MED9: variants seen among roughly 807,000 people sequenced by gnomAD.
MED9 encodes the protein mediator complex subunit 9.
In MED9, 8 loss-of-function variants were observed where a neutral mutation model predicts 13.2. The observed-to-expected ratio is 0.61, with a 90% CI of 0.36 to 1.10. The LOEUF (loss-of-function observed/expected upper bound fraction) is 1.10, where lower values mean the gene tolerates loss of function less well. MED9 is among the 50% of genes least tolerant of loss of function. The pLI is 0.02. For synonymous variants in MED9, 87 were observed against 82.8 expected, an observed-to-expected ratio of 1.05 and a Z score of -0.28; for missense variants, 180 against 193.4, an observed-to-expected ratio of 0.93 and a Z score of 0.41.
At chr17:17,484,656 G>A (rs1567637171) in intron 1 of MED9, among the ~76,000 whole-genome samples, 1 of 152,252 alleles carries the variant, frequency 6.6e-6, no homozygotes, top group South Asian at 2.1e-4. Flanking sequence ...AGCAGGATGA[G>A]CAGCCACAGA....
intron 1 of MED9, chr17:17,486,362 C>G (rs374630459): frequency 6.5e-6 from 1 of 152,892 alleles, no homozygotes; most frequent in Non-Finnish European, 1.5e-5. Flanking sequence ...GGGAGAGGCG[C>G]GAGCGGGAAC....
rs1017904876 is a variant in MED9, at chr17:17,492,206, G to A, written c.*711G>A. On this transcript the variant is annotated 3_prime_UTR_variant, in exon 2 of 2. Coordinates refer to ENST00000268711, the MANE Select transcript of MED9 (RefSeq NM_018019.3). ...GCCTTCAGCTCTTGCTCCCTTCCTC[G>A]TTCATCACCCTCAGTCAGTGCCCAA... 2.0e-5 allele frequency: 3 copies of A among 153,406 alleles called. No homozygotes were observed. The highest frequency in any genetic ancestry group is 4.3e-5 in the Non-Finnish European group (3 of 69,018). 9.5% of individuals were successfully genotyped at this position (153,406 alleles called of 1,614,324 possible). A position where few individuals can be genotyped will look rare whatever the true frequency, so the allele number is the denominator to read the frequency against.
Position 17,478,332 on chromosome 17 carries a change from G to A in MED9, c.224+1067G>A, listed in dbSNP as rs142341777. ...ACAAAGTAAATTAAAAGAAAATTAC[G>A]ATTCCAGTAACATTCAGGTGAACAT... On this transcript the variant is annotated intron_variant, in intron 1 of 1. Coordinates refer to ENST00000268711, the MANE Select transcript of MED9 (RefSeq NM_018019.3). 7.9e-5 allele frequency among the ~76,000 whole-genome samples: 12 copies of A among 152,266 alleles called. No individual in the cohort carries two copies. In the East Asian group the frequency reaches 2.3e-3, roughly 29 times the overall value.
At chr17:17,485,160 C>T (rs1323196735) in intron 1 of MED9, 1 of 344,518 alleles carries the variant, frequency 2.9e-6, no homozygotes, top group Non-Finnish European at 5.2e-6. Flanking sequence ...ACTACAGGCA[C>T]ACGCCACCAT....
rs1905258024 is a variant in MED9, at chr17:17,492,526, G to C, written c.*1031G>C. On this transcript the variant is annotated 3_prime_UTR_variant, in exon 2 of 2. Transcript: ENST00000268711. ...CTAGGTCTGAAAGTTACACAGCCAA[G>C]TTTGAGCTCTTAAAAGTTGATGAAC... is the stretch of plus-strand genomic sequence containing the variant. The C allele has an allele frequency of 6.6e-6, 1 of 152,292 alleles. No individual in the cohort carries two copies. The highest frequency in any genetic ancestry group is 1.5e-5 in the Non-Finnish European group (1 of 68,078). The allele number at this position is 152,292 out of a possible 1,614,324, so 9.4% of individuals were successfully genotyped here.
chr17:17,490,819 C>T (rs766818589), intron 1 of MED9, among the ~76,000 whole-genome samples: 4 of 152,186 alleles, frequency 2.6e-5, no homozygotes, highest in South Asian at 2.1e-4. Context: ...GACAAAATGT[C>T]GTATTTCAAC....
At chr17:17,480,992 C>A (rs539265095) in intron 1 of MED9, among the ~76,000 whole-genome samples, 136 of 152,314 alleles carry the variant, frequency 8.9e-4, no homozygotes, top group African/African-American at 2.3e-3. Context: ...ATAGGAAAAA[C>A]ATGTAAGGAC....
Position 17,477,238 on chromosome 17 carries a change from T to TA in MED9, c.198dup (p.Pro67ThrfsTer64). ...AGGGAGGAAGAGAACTACTCCTTTT[T>TA]ACCTTTGGTTCACAACATCATCAAA... On this transcript the variant is annotated frameshift_variant, in exon 1 of 2. Transcript: ENST00000268711. LOFTEE classifies it high-confidence loss of function. 6.2e-7 allele frequency: 1 copy of TA among 1,605,834 alleles called. No individual in the cohort carries two copies. The highest frequency in any genetic ancestry group is 8.5e-7 in the Non-Finnish European group (1 of 1,175,130).
chr17:17,484,550 C>T (rs1004446806), intron 1 of MED9, among the ~76,000 whole-genome samples: 1 of 152,268 alleles, frequency 6.6e-6, no homozygotes, highest in East Asian at 1.9e-4. Flanking sequence ...AAGCGGCCCC[C>T]GCTAAGTGCC....
At chr17:17,485,185 C>G (rs1390071362) in intron 1 of MED9, 3 of 360,804 alleles carry the variant, frequency 8.3e-6, no homozygotes, top group Admixed American at 9.4e-5. Context: ...TTGTAAAAAA[C>G]AAAACAAAAA....
intron 1 of MED9, among the ~76,000 whole-genome samples, chr17:17,490,613 T>C (rs994545197): frequency 6.6e-6 from 1 of 152,190 alleles, no homozygotes; most frequent in African/African-American, 2.4e-5. Flanking sequence ...GGACTGTCCA[T>C]GACCATGGTA....
In MED9 at chr17:17,492,917, C is replaced by CT. The variant is rs1471017595; in HGVS notation, c.*1423dup. On this transcript the variant is annotated 3_prime_UTR_variant, in exon 2 of 2. Coordinates refer to ENST00000268711, the MANE Select transcript of MED9 (RefSeq NM_018019.3). ...GTGGCTTTGGACAGAAAAGAAGGCT[C>CT]TGGATTTAAGCGGGTGGTCACCTGT... is the stretch of plus-strand genomic sequence containing the variant. The CT allele has an allele frequency of 6.6e-6, 1 of 152,260 alleles. No individual in the cohort carries two copies. Among genetic ancestry groups the CT allele is most frequent in the Non-Finnish European group, 1.5e-5 (1 of 68,052 alleles). The allele number at this position is 152,260 out of a possible 1,614,324, so 9.4% of individuals were successfully genotyped here.
intron 1 of MED9, chr17:17,486,590 C>T (rs144468380): frequency 0.014 from 2,206 of 156,050 alleles, 56 homozygotes; most frequent in African/African-American, 0.05. Context: ...TGCCTTCCCG[C>T]GCAGCAGGGC....
Position 17,491,765 on chromosome 17 carries a change from C to A in MED9, c.*270C>A. 1 of 450,336 alleles carries A rather than the reference C, an allele frequency of 2.2e-6. No homozygotes were observed. The highest frequency in any genetic ancestry group is 4.1e-6 in the Non-Finnish European group (1 of 243,546). The allele number at this position is 450,336 out of a possible 1,614,324, so 27.9% of individuals were successfully genotyped here. A position where few individuals can be genotyped will look rare whatever the true frequency, so the allele number is the denominator to read the frequency against. The stretch of plus-strand genomic sequence containing the variant: ...GTGGAAGTCAGAATGCTCCTGGAGG[C>A]TGCAGAGGGGGTGGAGGACTCTCCC... On this transcript the variant is annotated 3_prime_UTR_variant, in exon 2 of 2. Transcript: ENST00000268711.
chr17:17,488,311 C>G (rs1244413439), intron 1 of MED9: 3 of 152,242 alleles, frequency 2.0e-5, no homozygotes, highest in Non-Finnish European at 1.5e-5. Flanking sequence ...GGGAGGAAGT[C>G]TGTGTCAGTG....
At chr17:17,488,952 T>C (rs1905185476) in intron 1 of MED9, among the ~76,000 whole-genome samples, 1 of 152,336 alleles carries the variant, frequency 6.6e-6, no homozygotes, top group South Asian at 2.1e-4. Flanking sequence ...TCATTCCTTC[T>C]ATAGTTGGCC....
chr17:17,489,075 G>T (rs982765782), intron 1 of MED9, among the ~76,000 whole-genome samples: 4 of 152,116 alleles, frequency 2.6e-5, no homozygotes, highest in East Asian at 1.9e-4. Flanking sequence ...AGTCATCCTG[G>T]CTTAGCAGAT....
intron 1 of MED9, chr17:17,487,907 AAGAAAAGTTTGT>A (rs2142475848): frequency 6.6e-6 from 1 of 152,380 alleles, no homozygotes; most frequent in African/African-American, 2.4e-5. Flanking sequence ...CAGAACAAAT[AAGAAAAGTTTGT>A]GTGTTTTGTA....
At position 17,485,333 on chromosome 17, in the gene MED9, CTT is replaced by C. The variant is rs1905109158; in HGVS notation, c.225-5945_225-5944del. 7.5e-6 allele frequency: 3 copies of C among 398,588 alleles called. No homozygotes were observed. The Admixed American group carries it at 1.3e-4, about 18-fold the overall frequency. The allele number at this position is 398,588 out of a possible 1,614,324, so 24.7% of individuals were successfully genotyped here. A position where few individuals can be genotyped will look rare whatever the true frequency, so the allele number is the denominator to read the frequency against. ...GGGCTGGCCTCAAGTGATCTGCTGA[CTT>C]CAGCCTCCCAAAGTGCTGGGATTAC... On this transcript the variant is annotated intron_variant, in intron 1 of 1. Coordinates refer to ENST00000268711, the MANE Select transcript of MED9 (RefSeq NM_018019.3).
Sources: gnomAD v4.1 joint callset for allele counts (sites outside exome capture counted in the v4.1 genomes callset) on GRCh38, gnomAD v4.1.1 for gene constraint, MANE v1.5 for transcripts, NCBI Gene and HGNC (gene_info 2026-07-23, HGNC 2026-07-21) for gene names.